The following SMO variants were observed in gnomAD, a reference collection of about 807,000 sequenced individuals.
SMO encodes the protein smoothened, frizzled class receptor.
In SMO, 40 loss-of-function variants were observed where a neutral mutation model predicts 81.6. The observed-to-expected ratio is 0.49, with a 90% CI of 0.38 to 0.64. The LOEUF (loss-of-function observed/expected upper bound fraction) is 0.64, where lower values mean the gene tolerates loss of function less well. Ranked by LOEUF, SMO falls within the 30% of genes least tolerant of loss-of-function variation. The pLI, the probability that SMO is intolerant of heterozygous loss-of-function variation, is 0.00. For missense variants in SMO, 916 were observed against 1,061.1 expected (o/e 0.86, Z 1.90); for synonymous variants, 434 against 432.1 (o/e 1.00, Z -0.05).
intron 1 of SMO, among the ~76,000 whole-genome samples, chr7:129,202,759 G>T (rs1202406373): frequency 6.6e-6 from 1 of 152,038 alleles, no homozygotes; most frequent in Non-Finnish European, 1.5e-5. Flanking sequence ...AGGGTTCTGG[G>T]GTCTGGGCAA....
In SMO at chr7:129,210,458, A is replaced by G. The variant is rs2150653840; in HGVS notation, c.1562A>G (p.Asn521Ser). The stretch of plus-strand genomic sequence containing the variant: ...CCGAGCCTTCTGGTGGAGAAGATCA[A>G]CCTGTTTGCCATGTTTGGAACTGGC... ...NRPSLLVEKI[N>S]LFAMFGTGIA... The change falls in exon 9 of 12, where the codon AAC becomes AGC. Residue 521 changes from asparagine to serine, a missense_variant. Transcript: ENST00000249373. The surrounding 1 kb of genome is among the most constrained non-coding windows in gnomAD (Gnocchi z 4.7). 1 of 1,614,148 alleles carries G rather than the reference A, an allele frequency of 6.2e-7. No individual in the cohort carries two copies. Among genetic ancestry groups the G allele is most frequent in the East Asian group, 2.2e-5 (1 of 44,862 alleles).
At position 129,211,800 on chromosome 7, in the gene SMO, T is replaced by C. The variant is rs199605515; in HGVS notation, c.1936+30T>C. 2 of 1,612,666 alleles carry C rather than the reference T, an allele frequency of 1.2e-6. No homozygotes were observed. The highest frequency in any genetic ancestry group is 4.5e-5 in the East Asian group (2 of 44,844). ...GAGAGTTCAAGCTTCTGGAGGAAGG[T>C]GGGGGGAGCACAGAGGCTGGGGGCT... On this transcript the variant is annotated intron_variant, in intron 11 of 11. Transcript: ENST00000249373. The surrounding 1 kb of genome is among the most constrained non-coding windows in gnomAD (Gnocchi z 4.6).
rs112692204 is a variant in SMO at position 129,211,213 on chromosome 7, C to T, written c.1801+100C>T. On this transcript the variant is annotated intron_variant, in intron 10 of 11. Coordinates refer to ENST00000249373, the MANE Select transcript of SMO (RefSeq NM_005631.5). This position sits in a 1 kb window ranked among gnomAD's most constrained non-coding sequence, Gnocchi z 4.6. ...GGGGCACACAGATTATTTGGAAGAC[C>T]GACTGTGAGGAGCAAGGCGCTCCCT... 2.5e-3 allele frequency: 3,356 copies of T among 1,318,908 alleles called. 70 individuals are homozygous for T. In the African/African-American group the frequency reaches 0.043, roughly 17 times the overall value. 81.7% of individuals were successfully genotyped at this position (1,318,908 alleles called of 1,614,324 possible). A position where few individuals can be genotyped will look rare whatever the true frequency, so the allele number is the denominator to read the frequency against.
At chr7:129,209,151 C>T in intron 7 of SMO, 138 bp from the exon 8 acceptor site, 1 of 633,536 alleles carries the variant, frequency 1.6e-6, no homozygotes, top group Non-Finnish European at 2.9e-6. Context: ...GAAAGCAGTT[C>T]TTGGACTGAG....
chr7:129,212,187 C>T lies in SMO; in HGVS notation c.2100C>T (p.Thr700=), dbSNP rs1194167560. ...ELHPPAPAPS[T]IPRLPQLPRQ... ...ACCCCCCTGCCCCTGCCCCCAGTAC[C>T]ATTCCTCGACTGCCTCAGCTGCCCC... The change falls in exon 12 of 12, where the codon ACC becomes ACT. Residue 700 remains threonine (T), a synonymous_variant. Transcript: ENST00000249373. The surrounding 1 kb of genome is among the most constrained non-coding windows in gnomAD (Gnocchi z 5.0). 6.4e-7 allele frequency: 1 copy of T among 1,558,578 alleles called. No individual in the cohort carries two copies. Among genetic ancestry groups the T allele is most frequent in the Non-Finnish European group, 8.7e-7 (1 of 1,150,996 alleles).
At chr7:129,200,797 G>A (rs1213705158) in intron 1 of SMO, among the ~76,000 whole-genome samples, 4 of 152,244 alleles carry the variant, frequency 2.6e-5, no homozygotes, top group Admixed American at 1.3e-4. Context: ...GTACACTGTC[G>A]TGATCTTGAC....
At chr7:129,190,259 C>G (rs188871045) in intron 1 of SMO, among the ~76,000 whole-genome samples, 3 of 152,164 alleles carry the variant, frequency 2.0e-5, no homozygotes, top group Non-Finnish European at 4.4e-5. Context: ...GTGGACACTT[C>G]CATGGTGGTT....
At chr7:129,194,421 A>G (rs151014817) in intron 1 of SMO, among the ~76,000 whole-genome samples, 3 of 152,284 alleles carry the variant, frequency 2.0e-5, no homozygotes, top group Non-Finnish European at 2.9e-5. Context: ...ATATAACTGT[A>G]TGCAGAAAAC....
In SMO at chr7:129,212,133, G is replaced by A. The variant is rs1388212281; in HGVS notation, c.2046G>A (p.Val682=). 4 of 1,561,978 alleles carry A rather than the reference G, an allele frequency of 2.6e-6. No individual in the cohort carries two copies. The highest frequency in any genetic ancestry group is 3.5e-6 in the Non-Finnish European group (4 of 1,153,668). Residue 682 remains valine (V), a synonymous_variant, in exon 12 of 12, where the codon GTG becomes GTA. Coordinates refer to ENST00000249373, the MANE Select transcript of SMO (RefSeq NM_005631.5). This position sits in a 1 kb window ranked among gnomAD's most constrained non-coding sequence, Gnocchi z 5.0. Reference sequence around the variant, plus strand: ...AGAGGAGGAAGAGGAAGAAGGAGGTGTGCCCGCTGGCGCCGCCCCCTGAGC... The same window carrying A: ...AGAGGAGGAAGAGGAAGAAGGAGGTATGCCCGCTGGCGCCGCCCCCTGAGC... ...KKKRRKRKKE[V]CPLAPPPELH...
In SMO at chr7:129,206,464, G is replaced by T. The variant is rs1015335406; in HGVS notation, c.1141G>T (p.Val381Leu). Residue 381 changes from valine to leucine, a missense_variant and splice_region_variant, in exon 6 of 12, where the codon GTG becomes TTG. Coordinates refer to ENST00000249373, the MANE Select transcript of SMO (RefSeq NM_005631.5). The surrounding 1 kb of genome is among the most constrained non-coding windows in gnomAD (Gnocchi z 4.4). ...TCTGTCCCACCCCTTCCTGCTGCAG[G>T]TGGATGGGGACTCTGTGAGTGGGAT... ...LTVAILAVAQ[V>L]DGDSVSGICF... 6.2e-7 allele frequency: 1 copy of T among 1,613,982 alleles called. No homozygotes were observed. The highest frequency in any genetic ancestry group is 8.5e-7 in the Non-Finnish European group (1 of 1,179,880).
intron 1 of SMO, among the ~76,000 whole-genome samples, chr7:129,195,859 T>C (rs1389489022): frequency 6.6e-6 from 1 of 152,022 alleles, no homozygotes. Context: ...CCCAGCACTT[T>C]GGGAGGTCAA....
Position 129,210,835 on chromosome 7 carries a change from T to A in SMO, c.1653-130T>A. 1 of 972,780 alleles carries A rather than the reference T, an allele frequency of 1.0e-6. No individual in the cohort carries two copies. Among genetic ancestry groups the A allele is most frequent in the Non-Finnish European group, 1.5e-6 (1 of 656,938 alleles). The allele number at this position is 972,780 out of a possible 1,614,324, so 60.3% of individuals were successfully genotyped here. On this transcript the variant is annotated intron_variant, in intron 9 of 11. Coordinates refer to ENST00000249373, the MANE Select transcript of SMO (RefSeq NM_005631.5). The surrounding 1 kb of genome is among the most constrained non-coding windows in gnomAD (Gnocchi z 4.7). ...TCTTTGCAGAGAAGGCCTCTACTCC[T>A]GAGTCCTTGAAGGACTTGAGGCCCT... is the stretch of plus-strand genomic sequence containing the variant.
chr7:129,211,530 C>A lies in SMO; in HGVS notation c.1802-106C>A. 1 of 1,243,704 alleles carries A rather than the reference C, an allele frequency of 8.0e-7. No homozygotes were observed. Among genetic ancestry groups the A allele is most frequent in the African/African-American group, 1.5e-5 (1 of 67,814 alleles). The allele number at this position is 1,243,704 out of a possible 1,614,324, so 77.0% of individuals were successfully genotyped here. On this transcript the variant is annotated intron_variant, in intron 10 of 11. Transcript: ENST00000249373. This position sits in a 1 kb window ranked among gnomAD's most constrained non-coding sequence, Gnocchi z 4.6. Reference sequence around the variant, plus strand: ...TACAGGGTGAGCTTTCTCTGGTGAGCAGGAGGGACTGGCTGTGGGAAGATG... The same window carrying A: ...TACAGGGTGAGCTTTCTCTGGTGAGAAGGAGGGACTGGCTGTGGGAAGATG...
intron 2 of SMO, 73 bp downstream of exon 2, chr7:129,203,662 GGA>G: frequency 8.5e-7 from 1 of 1,183,052 alleles, no homozygotes; most frequent in South Asian, 1.5e-5. Context: ...GGTCCAGTGG[GGA>G]GCAGGGGAGC....
In SMO at chr7:129,209,364, C is replaced by A. The variant is rs2150652912; in HGVS notation, c.1433C>A (p.Ala478Asp). 2 of 1,613,812 alleles carry A rather than the reference C, an allele frequency of 1.2e-6. No homozygotes were observed. The highest frequency in any genetic ancestry group is 2.2e-5 in the South Asian group (2 of 91,080). The change falls in exon 8 of 12, where the codon GCT (alanine) becomes GAT (aspartate). Residue 478 changes from alanine to aspartate, a missense_variant. Physicochemically the swap from Ala to Asp is moderately radical, Grantham distance 126. This residue lies in a region of SMO where 436 missense variants were observed against 570.9 expected (regional missense o/e 0.76). Transcript: ENST00000249373. ...CACTTCTACGACTTCTTCAACCAGG[C>A]TGAGTGGGAGCGCAGCTTCCGGGAC... The part of the protein sequence containing the change: ...SCHFYDFFNQ[A>D]EWERSFRDYV...
At chr7:129,198,782 A>G (rs1306455621) in intron 1 of SMO, among the ~76,000 whole-genome samples, 1 of 152,234 alleles carries the variant, frequency 6.6e-6, no homozygotes, top group Non-Finnish European at 1.5e-5. Flanking sequence ...GCAGTAGGCT[A>G]TACCATCCAG....
intron 1 of SMO, among the ~76,000 whole-genome samples, chr7:129,200,185 A>G (rs1393793372): frequency 6.6e-6 from 1 of 152,158 alleles, no homozygotes; most frequent in Non-Finnish European, 1.5e-5. Flanking sequence ...TGGGAGACCG[A>G]GGCGGGTGGA....
intron 1 of SMO, among the ~76,000 whole-genome samples, chr7:129,195,586 G>A (rs952633349): frequency 1.3e-5 from 2 of 152,052 alleles, no homozygotes; most frequent in African/African-American, 4.8e-5. Context: ...CTAGATATGA[G>A]TTTATAGGAT....
rs1793846935 is a variant in SMO, at chr7:129,210,244, G to T, written c.1467-119G>T. 1.3e-6 allele frequency: 1 copy of T among 772,016 alleles called. No individual in the cohort carries two copies. Among genetic ancestry groups the T allele is most frequent in the Middle Eastern group, 2.5e-4 (1 of 4,012 alleles). The allele number at this position is 772,016 out of a possible 1,614,324, so 47.8% of individuals were successfully genotyped here. ...TGCCTGAGCCCAGGAGTTGGAAGCT[G>T]CAGTGGGTTGTGATCACGCCACCGC... On this transcript the variant is annotated intron_variant, in intron 8 of 11. Transcript: ENST00000249373. This position sits in a 1 kb window ranked among gnomAD's most constrained non-coding sequence, Gnocchi z 4.7.
Sources: allele counts gnomAD v4.1 joint callset (sites outside exome capture counted in the v4.1 genomes callset), GRCh38; gene constraint gnomAD v4.1.1; regional missense constraint gnomAD v4.1.1; non-coding constraint Gnocchi (gnomAD v3.1); transcripts MANE v1.5; gene names NCBI Gene and HGNC (gene_info 2026-07-23, HGNC 2026-07-21).